Variants in CLEC16A observed in about 807,000 individuals in gnomAD.
CLEC16A encodes the protein C-type lectin domain containing 16A.
CLEC16A carries 51 observed loss-of-function variants against 109.5 expected under a neutral mutation model. The ratio of observed to expected loss-of-function variants is 0.47; its 90% CI spans 0.37 to 0.59. The LOEUF (loss-of-function observed/expected upper bound fraction) is 0.59. CLEC16A is among the 20% of genes least tolerant of loss of function. The pLI is 0.00. For synonymous variants in CLEC16A, 673 were observed against 564.2 expected (o/e 1.19, Z -2.73); for missense variants, 1,339 against 1,394.0 (o/e 0.96, Z 0.63).
At chr16:10,955,847 C>T (rs1233477673) in intron 1 of CLEC16A, among the ~76,000 whole-genome samples, 2 of 152,206 alleles carry the variant, frequency 1.3e-5, no homozygotes, top group Non-Finnish European at 2.9e-5. Flanking sequence ...ATGGCCACAG[C>T]TGGAGTGGTG....
chr16:11,012,439 C>G (rs576042930), intron 11 of CLEC16A, among the ~76,000 whole-genome samples: 147 of 151,802 alleles, frequency 9.7e-4, no homozygotes, highest in African/African-American at 3.4e-3. Context: ...ACTAAAACTA[C>G]AAAAAATTAA....
At chr16:10,977,937 C>G (rs2043112442) in intron 8 of CLEC16A, among the ~76,000 whole-genome samples, 1 of 152,106 alleles carries the variant, frequency 6.6e-6, no homozygotes, top group Non-Finnish European at 1.5e-5. Flanking sequence ...GAAAAGATTA[C>G]CGACATCAGG....
chr16:11,168,578 T>C (rs2068371756), intron 23 of CLEC16A, among the ~76,000 whole-genome samples: 1 of 152,188 alleles, frequency 6.6e-6, no homozygotes, highest in South Asian at 2.1e-4. Context: ...GGCTTTACTC[T>C]TACAGATGCC....
intron 19 of CLEC16A, among the ~76,000 whole-genome samples, chr16:11,075,414 G>GTC (rs1177172045): frequency 8.8e-4 from 106 of 120,434 alleles, no homozygotes; most frequent in African/African-American, 2.7e-3. Context: ...GTGTGTGTCT[G>GTC]TGTGTGTGTG....
intron 22 of CLEC16A, among the ~76,000 whole-genome samples, chr16:11,159,778 T>G (rs1436547520): frequency 6.6e-6 from 1 of 152,228 alleles, no homozygotes; most frequent in Non-Finnish European, 1.5e-5. Flanking sequence ...GACATTAGCT[T>G]CCCATAGCTT....
intron 9 of CLEC16A, among the ~76,000 whole-genome samples, chr16:10,980,987 G>A (rs1291688205): frequency 6.6e-6 from 1 of 152,164 alleles, no homozygotes. Flanking sequence ...AAACCAAACT[G>A]CTAACAGAGT....
intron 19 of CLEC16A, among the ~76,000 whole-genome samples, chr16:11,116,115 TGTG>T (rs2051969429): frequency 6.6e-6 from 1 of 151,984 alleles, no homozygotes; most frequent in Non-Finnish European, 1.5e-5. Context: ...CTGGGCCAGA[TGTG>T]GTAGCTCATG....
At chr16:11,090,587 C>G (rs1272356658) in intron 19 of CLEC16A, among the ~76,000 whole-genome samples, 2 of 152,132 alleles carry the variant, frequency 1.3e-5, no homozygotes, top group African/African-American at 4.8e-5. Context: ...CCTGGAGGTC[C>G]AGAGAATCTA....
chr16:11,160,274 A>G (rs930407093), intron 22 of CLEC16A, among the ~76,000 whole-genome samples: 2 of 152,152 alleles, frequency 1.3e-5, no homozygotes, highest in Non-Finnish European at 2.9e-5. Context: ...GTGCAAGCCC[A>G]CTAGTTTTTG....
In CLEC16A at chr16:10,961,148, C is replaced by CA. The variant is rs1280602765; in HGVS notation, c.210-1306dup. On this transcript the variant is annotated intron_variant, in intron 2 of 23. Transcript: ENST00000409790. The surrounding 1 kb of genome is among the most constrained non-coding windows in gnomAD (Gnocchi z 4.3). ...GAGTTTGCTGGTGGCCCTTAGGAGT[C>CA]ACTGATTTATGCAGCTTGAACTGAA... Among the ~76,000 whole-genome samples the CA allele has an allele frequency of 6.6e-6, 1 of 152,162 alleles. No individual in the cohort carries two copies. Among genetic ancestry groups the CA allele is most frequent in the Non-Finnish European group, 1.5e-5 (1 of 68,032 alleles).
intron 10 of CLEC16A, among the ~76,000 whole-genome samples, chr16:10,995,850 C>A (rs1308686153): frequency 6.6e-6 from 1 of 152,206 alleles, no homozygotes; most frequent in East Asian, 1.9e-4. Flanking sequence ...TCTCCTACTT[C>A]TCAAATCGCT....
At chr16:11,028,978 T>C (rs899840522) in intron 13 of CLEC16A, among the ~76,000 whole-genome samples, 2 of 152,238 alleles carry the variant, frequency 1.3e-5, no homozygotes, top group African/African-American at 4.8e-5. Context: ...ATTTTTCTCC[T>C]GCTTTTGGAT....
chr16:10,965,363 G>T (rs911415508), intron 3 of CLEC16A, among the ~76,000 whole-genome samples: 3 of 152,208 alleles, frequency 2.0e-5, no homozygotes, highest in African/African-American at 7.2e-5. Context: ...TGTCCTCATT[G>T]TTAAATAACG....
intron 20 of CLEC16A, among the ~76,000 whole-genome samples, chr16:11,122,044 C>G (rs2052458379): frequency 6.6e-6 from 1 of 152,146 alleles, no homozygotes; most frequent in Non-Finnish European, 1.5e-5. Context: ...CACTTCAGGC[C>G]TGAACTTTGC....
At chr16:10,966,371 G>A (rs1313071837) in intron 3 of CLEC16A, among the ~76,000 whole-genome samples, 1 of 152,172 alleles carries the variant, frequency 6.6e-6, no homozygotes, top group African/African-American at 2.4e-5. Context: ...AGTCTGATGT[G>A]CTAGAAGCAG....
chr16:10,997,817 T>A (rs183231532), intron 10 of CLEC16A, among the ~76,000 whole-genome samples: 79 of 152,380 alleles, frequency 5.2e-4, no homozygotes, highest in Admixed American at 1.9e-3. Flanking sequence ...ATACATGATA[T>A]GCACTTATGT....
chr16:11,088,793 G>A (rs112109605), intron 19 of CLEC16A, among the ~76,000 whole-genome samples: 62 of 152,350 alleles, frequency 4.1e-4, no homozygotes, highest in African/African-American at 1.3e-3. Flanking sequence ...TGGAGTGGGC[G>A]CCGTCCTGGG....
rs535424087 is a variant in CLEC16A at position 11,143,666 on chromosome 16, AGG to A, written c.2641+17522_2641+17523del. Among the ~76,000 whole-genome samples, 11 of 152,342 alleles carry A rather than the reference AGG, an allele frequency of 7.2e-5. No homozygotes were observed. In the East Asian group the frequency reaches 2.1e-3, roughly 29 times the overall value. On this transcript the variant is annotated intron_variant, in intron 22 of 23. Transcript: ENST00000409790. Reference sequence around the variant, plus strand: ...GGGAATAGCATGTGCAGGGGCGCCCAGGGTGAGAGCAGAGTAGGCTCCCCTGG... The same window carrying A: ...GGGAATAGCATGTGCAGGGGCGCCCAGTGAGAGCAGAGTAGGCTCCCCTGG...
chr16:11,153,457 G>C (rs2054375444), intron 22 of CLEC16A, among the ~76,000 whole-genome samples: 1 of 151,814 alleles, frequency 6.6e-6, no homozygotes. Flanking sequence ...CTTTGAAACT[G>C]TCTCATATTT....
Sources: allele counts gnomAD v4.1 joint callset (sites outside exome capture counted in the v4.1 genomes callset), GRCh38; gene constraint gnomAD v4.1.1; non-coding constraint Gnocchi (gnomAD v3.1); transcripts MANE v1.5; gene names NCBI Gene and HGNC (gene_info 2026-07-23, HGNC 2026-07-21).